Variants in EPB41L4A observed in about 807,000 individuals in gnomAD.
EPB41L4A encodes the protein band 4.1-like protein 4A.
A neutral mutation model predicts 108.6 loss-of-function variants in EPB41L4A; 100 were observed. The ratio of observed to expected loss-of-function variants is 0.92; its 90% confidence interval spans 0.78 to 1.09. EPB41L4A has a LOEUF of 1.09. Ranked by LOEUF, EPB41L4A falls within the 50% of genes least tolerant of loss-of-function variation. The probability of loss-of-function intolerance (pLI) is 0.00; values close to 1 mark genes in which losing one functional copy is unlikely to be tolerated. For missense variants in EPB41L4A, 1,030 were observed against 842.7 expected, an observed-to-expected ratio of 1.22 and a Z score of -2.75; for synonymous variants, 319 against 289.0, an observed-to-expected ratio of 1.10 and a Z score of -1.05.
intron 17 of EPB41L4A, among the ~76,000 whole-genome samples, chr5:112,190,191 C>T (rs1561461642): frequency 6.6e-6 from 1 of 152,126 alleles, no homozygotes; most frequent in Non-Finnish European, 1.5e-5. Context: ...AAAGTAATCT[C>T]TAAAGAAAGT....
At chr5:112,161,126 C>G (rs948190924), downstream of EPB41L4A, 4 of 185,834 alleles carry the variant, frequency 2.2e-5, no homozygotes, top group Non-Finnish European at 4.7e-5. Flanking sequence ...TCGACTATGC[C>G]AGGGAGTTCT....
At chr5:112,381,606 T>C (rs974816950) in intron 1 of EPB41L4A, among the ~76,000 whole-genome samples, 4 of 152,250 alleles carry the variant, frequency 2.6e-5, no homozygotes, top group African/African-American at 9.6e-5. Context: ...ATGGGAAATC[T>C]AGAAAACCAA....
At chr5:112,319,950 A>G (rs757427361) in intron 1 of EPB41L4A, among the ~76,000 whole-genome samples, 3 of 152,230 alleles carry the variant, frequency 2.0e-5, no homozygotes, top group Non-Finnish European at 2.9e-5. Context: ...AAGTAGTTCA[A>G]TAAGAGAAAA....
intron 18 of EPB41L4A, among the ~76,000 whole-genome samples, chr5:112,182,354 C>T (rs896069204): frequency 1.3e-5 from 2 of 152,122 alleles, no homozygotes; most frequent in Non-Finnish European, 2.9e-5. Context: ...AATAATTACT[C>T]CATAATATAA....
chr5:112,177,977 T>C (rs1013999461), intron 18 of EPB41L4A, among the ~76,000 whole-genome samples: 1 of 150,862 alleles, frequency 6.6e-6, no homozygotes, highest in Non-Finnish European at 1.5e-5. Flanking sequence ...AAAATACAAA[T>C]AATTATGTTA....
chr5:112,265,575 C>T (rs558240456), intron 5 of EPB41L4A, among the ~76,000 whole-genome samples: 1 of 152,220 alleles, frequency 6.6e-6, no homozygotes, highest in African/African-American at 2.4e-5. Context: ...AAGCCCCAAC[C>T]CACTTCATCT....
chr5:112,289,658 T>C (rs1313783547), intron 2 of EPB41L4A, among the ~76,000 whole-genome samples: 1 of 152,160 alleles, frequency 6.6e-6, no homozygotes, highest in African/African-American at 2.4e-5. Flanking sequence ...AGTCCACAAG[T>C]AGGTGCTCCA....
intron 12 of EPB41L4A, among the ~76,000 whole-genome samples, chr5:112,217,072 G>C (rs1016489783): frequency 6.6e-6 from 1 of 151,752 alleles, no homozygotes; most frequent in Non-Finnish European, 1.5e-5. Flanking sequence ...AGCCTCCCGA[G>C]TAGCTGGGAT....
chr5:112,142,705 G>A (rs1759112391), exon 14 of EPB41L4A: 1 of 152,162 alleles, frequency 6.6e-6, no homozygotes, highest in African/African-American at 2.4e-5. Flanking sequence ...GAAGATTAAG[G>A]CCCAAATCCT....
intron 1 of EPB41L4A, among the ~76,000 whole-genome samples, chr5:112,328,344 A>G (rs1300168559): frequency 6.6e-6 from 1 of 152,170 alleles, no homozygotes. Context: ...GAAAGATGTG[A>G]GAAGTTAAAA....
chr5:112,313,013 T>A (rs569912551), intron 1 of EPB41L4A, among the ~76,000 whole-genome samples: 1 of 152,226 alleles, frequency 6.6e-6, no homozygotes, highest in East Asian at 1.9e-4. Context: ...ATGAAACACA[T>A]GACTTCATTC....
intron 12 of EPB41L4A, among the ~76,000 whole-genome samples, chr5:112,216,994 CAG>C (rs903721905): frequency 6.7e-5 from 10 of 150,376 alleles, no homozygotes; most frequent in African/African-American, 2.2e-4. Context: ...TTTTTTGAGA[CAG>C]AGTCTCGCTC....
chr5:112,143,919 G>T (rs1759157707), intron 13 of EPB41L4A: 1 of 451,682 alleles, frequency 2.2e-6, no homozygotes, highest in Non-Finnish European at 4.5e-6. Context: ...GTGCTCAGTT[G>T]CCAAAGACAA....
At chr5:112,219,057 C>T (rs1370339282) in intron 12 of EPB41L4A, among the ~76,000 whole-genome samples, 2 of 152,150 alleles carry the variant, frequency 1.3e-5, no homozygotes, top group African/African-American at 4.8e-5. Context: ...TAAATTTCAT[C>T]ACATTCTTTT....
intron 7 of EPB41L4A, among the ~76,000 whole-genome samples, chr5:112,261,225 C>T (rs1751463712): frequency 6.6e-6 from 1 of 152,118 alleles, no homozygotes; most frequent in African/African-American, 2.4e-5. Flanking sequence ...CAATCTATAG[C>T]TTTTATTGCC....
chr5:112,266,803 A>T lies in EPB41L4A; in HGVS notation c.336-473T>A, dbSNP rs181503260. On this transcript the variant is annotated intron_variant, in intron 4 of 22. Transcript: ENST00000261486. ...TATATTACATAACACTCTGCCTATT[A>T]TCTGCTCATTCCATGTTGCCAAAAG... Among the ~76,000 whole-genome samples the T allele has an allele frequency of 3.3e-5, 5 of 152,350 alleles. No homozygotes were observed. The East Asian group carries it at 9.6e-4, about 29-fold the overall frequency.
Position 112,170,357 on chromosome 5 carries a change from C to T in EPB41L4A, c.1683G>A (p.Val561=). 1 of 1,610,260 alleles carries T rather than the reference C, an allele frequency of 6.2e-7. No individual in the cohort carries two copies. The highest frequency in any genetic ancestry group is 8.5e-7 in the Non-Finnish European group (1 of 1,176,850). ...ELWKHIQKEL[V]DPSGLSEEQL... is the part of the protein sequence containing the mutation. The stretch of plus-strand genomic sequence containing the variant: ...GTTCTTCGGACAATCCGGATGGATC[C>T]ACAAGTTCTTTTCTGTAAAGGAATA... Residue 561 remains valine (V), a synonymous_variant, in exon 20 of 23, where the codon GTG becomes GTA. Coordinates refer to ENST00000261486, the MANE Select transcript of EPB41L4A (RefSeq NM_022140.5).
At chr5:112,403,102 C>T (rs1291240161) in intron 1 of EPB41L4A, among the ~76,000 whole-genome samples, 1 of 151,816 alleles carries the variant, frequency 6.6e-6, no homozygotes, top group Non-Finnish European at 1.5e-5. Flanking sequence ...AGTTTTTTCA[C>T]CCCCATTCAC....
chr5:112,149,477 G>C lies in EPB41L4A; in HGVS notation n.995-3479C>G, dbSNP rs186402614. Among the ~76,000 whole-genome samples the C allele has an allele frequency of 9.0e-4, 137 of 152,172 alleles. 1 individual carries two copies. The East Asian group carries it at 0.022, about 24-fold the overall frequency. ...ACAGACCGAGACTCCATTTCAAAAA[G>C]AAAAAGAGAGACTTTGTGAGCACTC... On this transcript the variant is annotated intron_variant and non_coding_transcript_variant, in intron 12 of 13. Transcript: ENST00000507810.
Sources: allele counts gnomAD v4.1 joint callset (sites outside exome capture counted in the v4.1 genomes callset), GRCh38; gene constraint gnomAD v4.1.1; transcripts MANE v1.5; gene names NCBI Gene and HGNC (gene_info 2026-07-23, HGNC 2026-07-21).